Variants in PSD3 observed in about 807,000 individuals in gnomAD.
PSD3 encodes the protein pleckstrin and Sec7 domain containing 3, also known as PH and SEC7 domain-containing protein 3.
PSD3 carries 49 observed loss-of-function variants against 105.5 expected under a neutral mutation model. That is an observed-to-expected ratio of 0.46 (90% CI 0.37 to 0.59). The LOEUF (loss-of-function observed/expected upper bound fraction) is 0.59. Ranked by LOEUF, PSD3 falls within the 20% of genes least tolerant of loss-of-function variation. PSD3 has a pLI of 0.00. For synonymous variants in PSD3, 557 were observed against 457.8 expected (o/e 1.22, Z -2.77); for missense variants, 1,561 against 1,263.8 (o/e 1.24, Z -3.57).
intron 8 of PSD3, chr8:18,786,978 G>C (rs924008767): frequency 1.3e-5 from 2 of 152,142 alleles, no homozygotes; most frequent in African/African-American, 2.4e-5. Flanking sequence ...TGAAGTCTTT[G>C]TCATCAAGAA....
At chr8:18,974,878 C>G (rs187158395) in intron 1 of PSD3, among the ~76,000 whole-genome samples, 1 of 151,888 alleles carries the variant, frequency 6.6e-6, no homozygotes, top group Admixed American at 6.6e-5. Flanking sequence ...AAGGGTGGAC[C>G]GCAGTGCTAA....
At chr8:18,749,886 C>T (rs911845948) in intron 9 of PSD3, among the ~76,000 whole-genome samples, 2 of 152,198 alleles carry the variant, frequency 1.3e-5, no homozygotes, top group Non-Finnish European at 2.9e-5. Context: ...CCACACAGAA[C>T]TTAATCCTTC....
At chr8:18,702,056 C>A (rs1801614255) in intron 9 of PSD3, among the ~76,000 whole-genome samples, 1 of 152,176 alleles carries the variant, frequency 6.6e-6, no homozygotes, top group Non-Finnish European at 1.5e-5. Context: ...CTTCCCAAGG[C>A]AGAATGTTTT....
At chr8:18,930,422 A>T (rs1586455812) in intron 2 of PSD3, among the ~76,000 whole-genome samples, 1 of 152,318 alleles carries the variant, frequency 6.6e-6, no homozygotes, top group East Asian at 1.9e-4. Flanking sequence ...TTAATTTCCC[A>T]AACAGTGAAA....
intron 1 of PSD3, among the ~76,000 whole-genome samples, chr8:19,062,599 A>G (rs941405903): frequency 3.9e-5 from 6 of 152,226 alleles, no homozygotes; most frequent in Non-Finnish European, 1.5e-5. Context: ...GAATCTTTAG[A>G]TTTATTATTA....
intron 11 of PSD3, among the ~76,000 whole-genome samples, chr8:18,630,021 A>G (rs898531357): frequency 2.0e-5 from 3 of 151,820 alleles, no homozygotes; most frequent in Middle Eastern, 3.2e-3. Context: ...CCATGGAAAA[A>G]CAGAGGTTAA....
intron 2 of PSD3, among the ~76,000 whole-genome samples, chr8:18,915,630 A>G (rs746392616): frequency 6.6e-6 from 1 of 152,196 alleles, no homozygotes; most frequent in Non-Finnish European, 1.5e-5. Context: ...TAAAATGCTG[A>G]ATGTCACTAA....
chr8:18,565,912 C>A (rs117403173), intron 14 of PSD3, among the ~76,000 whole-genome samples: 3 of 151,980 alleles, frequency 2.0e-5, no homozygotes, highest in Non-Finnish European at 4.4e-5. Flanking sequence ...CTGGGGATAT[C>A]GCTAAACATC....
chr8:18,622,452 T>A (rs1806183068), intron 11 of PSD3, among the ~76,000 whole-genome samples: 1 of 152,198 alleles, frequency 6.6e-6, no homozygotes, highest in African/African-American at 2.4e-5. Flanking sequence ...TAGATGAGAA[T>A]TTAACAAACT....
In PSD3 at chr8:18,936,086, C is replaced by G. The variant is rs768091940; in HGVS notation, c.78G>C (p.Lys26Asn). ...NASAHSQSVA[K>N]AKYEFLFGRS... ...TGCCAAATAAAAATTCATATTTGGC[C>G]TTGGCAACACTCTGGGAATGTGCAG... The change falls in exon 2 of 16, where the codon AAG becomes AAC. Residue 26 changes from lysine to asparagine, a missense_variant. Physicochemically the swap from Lys to Asn is moderately conservative, Grantham distance 94. Transcript: ENST00000327040. 6.2e-7 allele frequency: 1 copy of G among 1,613,372 alleles called. No individual in the cohort carries two copies. Among genetic ancestry groups the G allele is most frequent in the Admixed American group, 1.7e-5 (1 of 60,016 alleles).
intron 9 of PSD3, among the ~76,000 whole-genome samples, chr8:18,677,442 T>C (rs1261806355): frequency 6.6e-6 from 1 of 151,292 alleles, no homozygotes; most frequent in Non-Finnish European, 1.5e-5. Context: ...TAGCTGGGTG[T>C]GGTGGTGCAT....
intron 1 of PSD3, among the ~76,000 whole-genome samples, chr8:18,941,548 C>T (rs1409843321): frequency 1.3e-5 from 2 of 151,988 alleles, no homozygotes; most frequent in Admixed American, 6.6e-5. Flanking sequence ...CTCAACCTTA[C>T]ATTTGATATG....
intron 9 of PSD3, among the ~76,000 whole-genome samples, chr8:18,673,202 CCA>C (rs139648260): frequency 0.062 from 8,864 of 142,738 alleles, 754 homozygotes; most frequent in African/African-American, 0.19. Flanking sequence ...ACACACCCAT[CCA>C]CACACACACA....
chr8:18,555,016 G>A (rs555533536), intron 15 of PSD3, among the ~76,000 whole-genome samples: 4 of 152,174 alleles, frequency 2.6e-5, no homozygotes, highest in East Asian at 1.9e-4. Context: ...ACGTGGAGAC[G>A]CCAAATCCTC....
At chr8:19,037,549 T>C (rs1205561004) in intron 1 of PSD3, among the ~76,000 whole-genome samples, 3 of 152,260 alleles carry the variant, frequency 2.0e-5, no homozygotes, top group African/African-American at 4.8e-5. Flanking sequence ...GAGATTCATA[T>C]TCAAATTGGT....
chr8:19,049,982 A>G (rs775130029), intron 1 of PSD3, among the ~76,000 whole-genome samples: 9 of 152,230 alleles, frequency 5.9e-5, no homozygotes, highest in Non-Finnish European at 8.8e-5. Flanking sequence ...ACCACTTTTC[A>G]ACAGAAAGTT....
At chr8:18,923,846 A>G (rs1236299728) in intron 2 of PSD3, among the ~76,000 whole-genome samples, 1 of 152,138 alleles carries the variant, frequency 6.6e-6, no homozygotes, top group Non-Finnish European at 1.5e-5. Flanking sequence ...CTCTCAAAAA[A>G]GTCAAATCCT....
chr8:18,961,623 G>A (rs975167052), intron 1 of PSD3, among the ~76,000 whole-genome samples: 5 of 152,124 alleles, frequency 3.3e-5, no homozygotes, highest in Admixed American at 6.5e-5. Flanking sequence ...CCCAGGAGGC[G>A]GAGGTTGCAG....
chr8:18,618,929 G>C (rs533509897), intron 11 of PSD3, among the ~76,000 whole-genome samples: 3 of 152,060 alleles, frequency 2.0e-5, no homozygotes, highest in Non-Finnish European at 2.9e-5. Flanking sequence ...CATGACCTTT[G>C]TGTCCAAAGA....
Sources: allele counts gnomAD v4.1 joint callset (sites outside exome capture counted in the v4.1 genomes callset), GRCh38; gene constraint gnomAD v4.1.1; transcripts MANE v1.5; gene names NCBI Gene and HGNC (gene_info 2026-07-23, HGNC 2026-07-21).